Variants in CALN1 observed in about 807,000 individuals in gnomAD.
CALN1 encodes the protein calneuron 1.
A neutral mutation model predicts 30.6 loss-of-function variants in CALN1; 17 were observed. The ratio of observed to expected loss-of-function variants is 0.56; its 90% CI spans 0.38 to 0.83. CALN1 has a LOEUF of 0.83. CALN1 is among the 40% of genes least tolerant of loss of function. The pLI, the probability that CALN1 is intolerant of heterozygous loss-of-function variation, is 0.00. For synonymous variants in CALN1, 156 were observed against 131.4 expected (o/e 1.19, Z -1.28); for missense variants, 291 against 354.9 (o/e 0.82, Z 1.45).
At chr7:72,277,266 G>C (rs937732097) in intron 3 of CALN1, among the ~76,000 whole-genome samples, 2 of 152,196 alleles carry the variant, frequency 1.3e-5, no homozygotes, top group Non-Finnish European at 2.9e-5. Context: ...ACAGCAGCCT[G>C]AACAGACCAA....
chr7:72,268,484 T>G lies in CALN1; in HGVS notation c.244+10202A>C, dbSNP rs1316159310. On this transcript the variant is annotated intron_variant, in intron 3 of 6. Coordinates refer to ENST00000395275, the MANE Select transcript of CALN1 (RefSeq NM_031468.4). ...TGCTATAATGGTTGACAATTTTAAC[T>G]AATTCAGGGAAACAAAATAAAATTA... Among the ~76,000 whole-genome samples, 3 of 152,172 alleles carry G rather than the reference T, an allele frequency of 2.0e-5. No homozygotes were observed. The East Asian group carries it at 5.8e-4, about 29-fold the overall frequency.
intron 5 of CALN1, among the ~76,000 whole-genome samples, chr7:71,914,828 T>C (rs999000784): frequency 6.6e-6 from 1 of 152,222 alleles, no homozygotes; most frequent in Non-Finnish European, 1.5e-5. Context: ...CTATGATTGT[T>C]GGCCGCATGT....
intron 1 of CALN1, among the ~76,000 whole-genome samples, chr7:72,423,712 G>T (rs1209440095): frequency 6.6e-6 from 1 of 152,064 alleles, no homozygotes; most frequent in Non-Finnish European, 1.5e-5. Context: ...AGCCACTTGG[G>T]AGGCTAAGGA....
rs541424064 is a variant in CALN1 at position 72,078,603 on chromosome 7, A to G, written c.388+27548T>C. Among the ~76,000 whole-genome samples, 3 of 152,260 alleles carry G rather than the reference A, an allele frequency of 2.0e-5. No individual in the cohort carries two copies. The South Asian group carries it at 6.2e-4, about 32-fold the overall frequency. On this transcript the variant is annotated intron_variant, in intron 4 of 6. Coordinates refer to ENST00000395275, the MANE Select transcript of CALN1 (RefSeq NM_031468.4). ...GAGCAACTCTACTGCCCAGGAGAGG[A>G]ACCGAGAAGGGCCCCTCCGCCTTCT...
intron 5 of CALN1, among the ~76,000 whole-genome samples, chr7:72,021,389 T>A (rs1055473959): frequency 2.0e-5 from 3 of 151,810 alleles, no homozygotes; most frequent in Admixed American, 2.0e-4. Flanking sequence ...ATCATCAGAG[T>A]GGACCTCCAT....
At position 71,958,295 on chromosome 7, in the gene CALN1, T is replaced by G. The variant is rs183973536; in HGVS notation, c.501+65362A>C. ...CCAGTATCTACTGTTCCCCTCTGTT[T>G]GTCAGGTTTCTTGCCCTATTCTCAT... On this transcript the variant is annotated intron_variant, in intron 5 of 6. Transcript: ENST00000395275. 2.0e-3 allele frequency among the ~76,000 whole-genome samples: 308 copies of G among 152,236 alleles called. 1 individual carries two copies. Among genetic ancestry groups the G allele is most frequent in the African/African-American group, 7.3e-3 (303 of 41,548 alleles).
chr7:72,106,505 AGAG>A (rs1001335161), intron 3 of CALN1, among the ~76,000 whole-genome samples: 2 of 150,696 alleles, frequency 1.3e-5, no homozygotes, highest in South Asian at 2.1e-4. Flanking sequence ...AATGGAAGGG[AGAG>A]GAGGAGAAGG....
the CALN1 span, among the ~76,000 whole-genome samples, chr7:72,487,913 A>AAGGAAGGAAGGAAG: frequency 1.3e-5 from 1 of 76,234 alleles, no homozygotes; most frequent in African/African-American, 6.4e-5. Flanking sequence ...AAAGAAAGAA[A>AAGGAAGGAAGGAAG]GAAAGAAGGA....
intron 2 of CALN1, among the ~76,000 whole-genome samples, chr7:72,402,188 G>A (rs1201689306): frequency 6.6e-6 from 1 of 152,126 alleles, no homozygotes; most frequent in Non-Finnish European, 1.5e-5. Context: ...GCGTTCTCTT[G>A]GCCAGGGGTC....
intron 3 of CALN1, among the ~76,000 whole-genome samples, chr7:72,213,271 C>T (rs577091): frequency 0.51 from 77,857 of 152,096 alleles, 22,271 homozygotes; most frequent in East Asian, 0.99. Flanking sequence ...GGCCTCAAAG[C>T]TGGAGACAGG....
chr7:72,145,369 A>G (rs1365624275), intron 3 of CALN1, among the ~76,000 whole-genome samples: 2 of 152,246 alleles, frequency 1.3e-5, no homozygotes, highest in African/African-American at 4.8e-5. Context: ...TAGAAAATCT[A>G]GAAGAAATCG....
At chr7:72,171,857 C>T (rs1338753735) in intron 3 of CALN1, among the ~76,000 whole-genome samples, 1 of 152,166 alleles carries the variant, frequency 6.6e-6, no homozygotes, top group East Asian at 1.9e-4. Context: ...CAGGTCCACA[C>T]ACACACCCAT....
intron 2 of CALN1, among the ~76,000 whole-genome samples, chr7:72,327,872 G>GA (rs955553110): frequency 8.6e-5 from 13 of 151,784 alleles, no homozygotes; most frequent in Non-Finnish European, 1.3e-4. Context: ...TTAAAAGGGG[G>GA]AAAAAAAGGT....
chr7:72,031,510 G>A (rs1444735404), intron 4 of CALN1, among the ~76,000 whole-genome samples: 1 of 152,108 alleles, frequency 6.6e-6, no homozygotes, highest in Non-Finnish European at 1.5e-5. Context: ...AAGAATAACT[G>A]TATCAAGGCC....
chr7:72,173,395 TAC>T (rs1467763523), intron 3 of CALN1, among the ~76,000 whole-genome samples: 2 of 152,128 alleles, frequency 1.3e-5, no homozygotes, highest in Non-Finnish European at 2.9e-5. Context: ...CCCAATTGAT[TAC>T]AGAGTTAATG....
chr7:72,499,871 TTCTTTCTTTCTTTC>T, the CALN1 span, among the ~76,000 whole-genome samples: 1 of 73,794 alleles, frequency 1.4e-5, no homozygotes, highest in Non-Finnish European at 2.6e-5. Context: ...CTTTCTTTCT[TTCTTTCTTTCTTTC>T]TTTCTTTCTT....
intron 5 of CALN1, among the ~76,000 whole-genome samples, chr7:71,923,587 G>A (rs190015920): frequency 1.3e-5 from 2 of 152,192 alleles, no homozygotes; most frequent in Admixed American, 1.3e-4. Context: ...GTGCATTCTT[G>A]TGATTACCTA....
At chr7:72,010,708 G>A (rs1400285856) in intron 5 of CALN1, among the ~76,000 whole-genome samples, 1 of 151,606 alleles carries the variant, frequency 6.6e-6, no homozygotes, top group Admixed American at 6.6e-5. Flanking sequence ...AGCTACTCAG[G>A]AAGCTGAGGT....
chr7:71,995,357 G>A (rs868039705), intron 5 of CALN1, among the ~76,000 whole-genome samples: 4 of 152,300 alleles, frequency 2.6e-5, no homozygotes, highest in Middle Eastern at 3.4e-3. Flanking sequence ...GTTTGCAGCT[G>A]GAGTTTTTAG....
Sources: gnomAD v4.1 joint callset for allele counts (sites outside exome capture counted in the v4.1 genomes callset) on GRCh38, gnomAD v4.1.1 for gene constraint, MANE v1.5 for transcripts, NCBI Gene and HGNC (gene_info 2026-07-23, HGNC 2026-07-21) for gene names.